Variants in PIAS1 observed in about 807,000 individuals in gnomAD.
PIAS1 encodes protein inhibitor of activated STAT 1, also known as E3 SUMO-protein ligase PIAS1.
A neutral mutation model predicts 71.3 loss-of-function variants in PIAS1; 6 were observed. The observed-to-expected ratio is 0.08, with a 90% CI of 0.05 to 0.17. The LOEUF is 0.17. Ranked by LOEUF, PIAS1 falls within the 10% of genes least tolerant of loss-of-function variation. The pLI, the probability that PIAS1 is intolerant of heterozygous loss-of-function variation, is 1.00. For synonymous variants in PIAS1, 303 were observed against 292.9 expected (o/e 1.03, Z -0.35); for missense variants, 555 against 793.6 (o/e 0.70, Z 3.61).
At chr15:68,146,775 A>G in intron 6 of PIAS1, 75 bp downstream of exon 6, 1 of 993,138 alleles carries the variant, frequency 1.0e-6, no homozygotes, top group Non-Finnish European at 1.5e-6. Context: ...CTGAATTTAT[A>G]TGTAAATTAT....
At chr15:68,169,145 C>T (rs748199794) in intron 8 of PIAS1, among the ~76,000 whole-genome samples, 2 of 152,118 alleles carry the variant, frequency 1.3e-5, no homozygotes, top group Non-Finnish European at 2.9e-5. Flanking sequence ...TGTGGTTTCT[C>T]TACTTAGTAT....
intron 6 of PIAS1, among the ~76,000 whole-genome samples, chr15:68,148,237 A>G (rs1400766776): frequency 6.6e-6 from 1 of 152,126 alleles, no homozygotes; most frequent in Non-Finnish European, 1.5e-5. Flanking sequence ...CAATCAGGTG[A>G]AAGGTTCAGA....
intron 1 of PIAS1, among the ~76,000 whole-genome samples, chr15:68,068,521 C>T (rs1476432041): frequency 1.3e-5 from 2 of 151,928 alleles, no homozygotes; most frequent in African/African-American, 2.4e-5. Flanking sequence ...GGCGCTATCT[C>T]GGCTCACTGC....
chr15:68,062,837 T>G (rs2091975353), intron 1 of PIAS1, among the ~76,000 whole-genome samples: 1 of 151,804 alleles, frequency 6.6e-6, no homozygotes, highest in Non-Finnish European at 1.5e-5. Context: ...ATCCTACAGT[T>G]TGCTTTTTTT....
chr15:68,181,248 C>A lies in PIAS1; in HGVS notation c.1518C>A (p.Ser506=), dbSNP rs753602634. The change falls in exon 12 of 14, where the codon TCC becomes TCA. Residue 506 remains serine (S), a synonymous_variant. Coordinates refer to ENST00000249636, the MANE Select transcript of PIAS1 (RefSeq NM_016166.3). The part of the protein sequence containing the change: ...LSLPHQASPV[S]RTPSLPAVDT... The stretch of plus-strand genomic sequence containing the variant: ...TTCCACATCAAGCATCTCCAGTATC[C>A]CGCACCCCAAGCCTTCCTGCTGTAG... 3 of 1,613,544 alleles carry A rather than the reference C, an allele frequency of 1.9e-6. No individual in the cohort carries two copies. The South Asian group carries it at 3.3e-5, about 18-fold the overall frequency.
intron 7 of PIAS1, chr15:68,154,087 G>A (rs1203709896): frequency 6.2e-6 from 1 of 160,608 alleles, no homozygotes; most frequent in Non-Finnish European, 1.4e-5. Flanking sequence ...AGAGCCAGTG[G>A]GGTGGTAGAA....
intron 2 of PIAS1, among the ~76,000 whole-genome samples, chr15:68,139,377 G>A (rs1479724292): frequency 6.6e-6 from 1 of 152,182 alleles, no homozygotes; most frequent in Non-Finnish European, 1.5e-5. Flanking sequence ...AGGTTGAAAG[G>A]AAGGTTGAAC....
intron 6 of PIAS1, among the ~76,000 whole-genome samples, chr15:68,151,727 G>A (rs540686001): frequency 9.2e-6 from 1 of 109,266 alleles, no homozygotes; most frequent in Non-Finnish European, 2.0e-5. Context: ...AGATATGGTG[G>A]TGCACACTTG....
chr15:68,144,898 G>A (rs2092797539), intron 4 of PIAS1, among the ~76,000 whole-genome samples: 1 of 152,062 alleles, frequency 6.6e-6, no homozygotes, highest in Non-Finnish European at 1.5e-5. Flanking sequence ...TGGCCAGCAG[G>A]TTAAGACCCC....
At chr15:68,088,176 G>GTGTATATATATATATA (rs150997979) in intron 2 of PIAS1, among the ~76,000 whole-genome samples, 1,012 of 72,854 alleles carry the variant, frequency 0.014, 39 homozygotes, top group East Asian at 0.027. Flanking sequence ...TTATGTGTGT[G>GTGTATATATATATATA]TATATATATA....
At chr15:68,117,181 G>A (rs1011716775) in intron 2 of PIAS1, among the ~76,000 whole-genome samples, 4 of 151,918 alleles carry the variant, frequency 2.6e-5, no homozygotes, top group African/African-American at 7.3e-5. Context: ...TCTGCCTCCC[G>A]GGTTCAAGTA....
chr15:68,080,680 T>C (rs1362665785), intron 1 of PIAS1, among the ~76,000 whole-genome samples: 2 of 152,228 alleles, frequency 1.3e-5, no homozygotes, highest in South Asian at 2.1e-4. Context: ...AAAATACTTT[T>C]GTTGTTGTGT....
chr15:68,112,127 G>A (rs148491498), intron 2 of PIAS1, among the ~76,000 whole-genome samples: 1 of 152,106 alleles, frequency 6.6e-6, no homozygotes, highest in East Asian at 1.9e-4. Context: ...ATCTCTGTCC[G>A]TTTACCGTAT....
rs894778292 is a variant in PIAS1, at chr15:68,114,133, G to A, written c.469+27383G>A. Among the ~76,000 whole-genome samples the A allele has an allele frequency of 3.3e-5, 5 of 151,682 alleles. No individual in the cohort carries two copies. The East Asian group carries it at 9.6e-4, about 29-fold the overall frequency. The stretch of plus-strand genomic sequence containing the variant: ...AAATTATTATAAAAACAATACATAT[G>A]CTCAATGTGAAGAATTTTGTAAATA... On this transcript the variant is annotated intron_variant, in intron 2 of 13. Coordinates refer to ENST00000249636, the MANE Select transcript of PIAS1 (RefSeq NM_016166.3).
Position 68,181,291 on chromosome 15 carries a change from A to G in PIAS1, c.1561A>G (p.Thr521Ala). 1 of 1,613,286 alleles carries G rather than the reference A, an allele frequency of 6.2e-7. No homozygotes were observed. Among genetic ancestry groups the G allele is most frequent in the Non-Finnish European group, 8.5e-7 (1 of 1,179,498 alleles). Residue 521 changes from threonine to alanine, a missense_variant, in exon 12 of 14, where the codon ACC becomes GCC. Coordinates refer to ENST00000249636, the MANE Select transcript of PIAS1 (RefSeq NM_016166.3). Reference sequence around the variant, plus strand: ...TGCTGTAGACACAAGCTACATTAATACCTCCCTCATCCAAGACTATAGGCA... The same window carrying G: ...TGCTGTAGACACAAGCTACATTAATGCCTCCCTCATCCAAGACTATAGGCA... ...LPAVDTSYIN[T>A]SLIQDYRHPF...
intron 2 of PIAS1, among the ~76,000 whole-genome samples, chr15:68,090,560 A>G (rs947075047): frequency 6.6e-6 from 1 of 151,916 alleles, no homozygotes; most frequent in Admixed American, 6.6e-5. Context: ...AACATTTATT[A>G]GCTCTCCAAC....
chr15:68,090,803 A>G (rs2092325868), intron 2 of PIAS1, among the ~76,000 whole-genome samples: 1 of 152,184 alleles, frequency 6.6e-6, no homozygotes, highest in South Asian at 2.1e-4. Flanking sequence ...ATTTAAAAAA[A>G]ATTTTCCCTA....
intron 2 of PIAS1, among the ~76,000 whole-genome samples, chr15:68,128,922 A>G (rs2092670623): frequency 6.6e-6 from 1 of 152,232 alleles, no homozygotes; most frequent in Non-Finnish European, 1.5e-5. Flanking sequence ...TAAAATAGAA[A>G]TAATTTTTTT....
intron 1 of PIAS1, among the ~76,000 whole-genome samples, chr15:68,074,768 A>G (rs1221255768): frequency 1.3e-5 from 2 of 152,010 alleles, no homozygotes; most frequent in Non-Finnish European, 2.9e-5. Flanking sequence ...AGTAAGTTGT[A>G]GATAGATAAA....
Sources: allele counts gnomAD v4.1 joint callset (sites outside exome capture counted in the v4.1 genomes callset), GRCh38; gene constraint gnomAD v4.1.1; transcripts MANE v1.5; gene names NCBI Gene and HGNC (gene_info 2026-07-23, HGNC 2026-07-21).